The following AARSD1 variants were observed in gnomAD, a reference collection of about 807,000 sequenced individuals.
AARSD1 encodes the protein alanyl-tRNA editing protein Aarsd1.
Under a neutral mutation model 48.7 loss-of-function variants are expected in AARSD1, and 44 were observed. That is an observed-to-expected ratio of 0.90 (90% CI 0.71 to 1.16). The LOEUF is 1.16. Ranked by LOEUF, AARSD1 falls within the 50% of genes most tolerant of loss-of-function variation. The pLI is 0.00. For missense variants in AARSD1, 511 were observed against 523.1 expected (o/e 0.98, Z 0.23); for synonymous variants, 189 against 194.9 (o/e 0.97, Z 0.25).
intron 11 of AARSD1, 57 bp from the exon 12 acceptor site, chr17:42,950,785 A>T: frequency 1.3e-6 from 2 of 1,566,470 alleles, no homozygotes. Flanking sequence ...AAAAAAAAAC[A>T]AGGGCAGCTC....
chr17:42,955,685 C>T, intron 7 of AARSD1, 157 bp downstream of exon 7: 2 of 1,294,632 alleles, frequency 1.5e-6, no homozygotes, highest in Non-Finnish European at 2.1e-6. Flanking sequence ...TCGTGATCCG[C>T]CCACCTCGGC....
rs574315993 is a variant in AARSD1 at position 42,956,311 on chromosome 17, G to A, written c.556C>T (p.Arg186Trp). The A allele has an allele frequency of 2.9e-5, 47 of 1,614,000 alleles. No homozygotes were observed. The South Asian group carries it at 3.5e-4, about 12-fold the overall frequency. ...DDPEVEQVSG[R>W]GLPDDHAGPI... ...CCAGCATGATCATCAGGCAAACCCC[G>A]GCCACTCACCTGGACTCAAGGAGAG... The change falls in exon 6 of 12, where the codon CGG becomes TGG. Residue 186 changes from arginine to tryptophan, a missense_variant. Transcript: ENST00000427569.
intron 10 of AARSD1, among the ~76,000 whole-genome samples, chr17:42,953,034 C>T (rs1279093315): frequency 3.3e-5 from 5 of 152,166 alleles, no homozygotes; most frequent in Non-Finnish European, 4.4e-5. Context: ...TGCTAGAGTG[C>T]TGTGGCACAA....
intron 2 of AARSD1, among the ~76,000 whole-genome samples, chr17:42,963,813 T>C (rs955014049): frequency 4.6e-5 from 7 of 152,244 alleles, no homozygotes; most frequent in Admixed American, 3.3e-4. Flanking sequence ...TCCCTTTACT[T>C]GGTTTTTGTT....
Position 42,958,229 on chromosome 17 carries a change from C to T in AARSD1, c.332-1034G>A, listed in dbSNP as rs534083616. ...TTTTAAAATTTATTTCAGTCAGGCG[C>T]GGTGGCTCACTCCTGTAATCCCAGC... On this transcript the variant is annotated intron_variant, in intron 3 of 11. Coordinates refer to ENST00000427569, the MANE Select transcript of AARSD1 (RefSeq NM_001261434.2). Among the ~76,000 whole-genome samples, 180 of 152,216 alleles carry T rather than the reference C, an allele frequency of 1.2e-3. 1 individual carries two copies. Among genetic ancestry groups the T allele is most frequent in the South Asian group, 4.2e-3 (20 of 4,818 alleles).
At chr17:42,958,438 G>A (rs1358792686) in intron 3 of AARSD1, among the ~76,000 whole-genome samples, 2 of 151,548 alleles carry the variant, frequency 1.3e-5, no homozygotes, top group Non-Finnish European at 1.5e-5. Flanking sequence ...GTTGCAGTGA[G>A]CCAAGATTGC....
At chr17:42,958,284 G>A (rs2049585280) in intron 3 of AARSD1, among the ~76,000 whole-genome samples, 3 of 152,090 alleles carry the variant, frequency 2.0e-5, no homozygotes, top group Admixed American at 2.0e-4. Context: ...AGTGGATCAT[G>A]AGGTCAAGAG....
At chr17:42,959,704 G>A (rs527518104) in intron 3 of AARSD1, among the ~76,000 whole-genome samples, 8 of 148,266 alleles carry the variant, frequency 5.4e-5, no homozygotes, top group East Asian at 4.1e-4. Flanking sequence ...TCGCTCTGTC[G>A]CCAGGCTGGA....
Position 42,955,224 on chromosome 17 carries a change from C to T in AARSD1, c.795G>A (p.Lys265=), listed in dbSNP as rs201653455. Residue 265 remains lysine (K), a splice_region_variant and synonymous_variant, in exon 8 of 12, where the codon AAG becomes AAA. Coordinates refer to ENST00000427569, the MANE Select transcript of AARSD1 (RefSeq NM_001261434.2). ...GTEKALTALL[K]CGAEDHVEAV... ...CTTCCACATGATCCTCTGCTCCACA[C>T]CTGAAAGAGAAAGGTCAGAGGAGAC... 69 of 1,613,886 alleles carry T rather than the reference C, an allele frequency of 4.3e-5. No individual in the cohort carries two copies. Among genetic ancestry groups the T allele is most frequent in the Non-Finnish European group, 2.7e-5 (32 of 1,180,002 alleles).
At position 42,950,622 on chromosome 17, in the gene AARSD1, A is replaced by C; in HGVS notation, c.1210T>G (p.Tyr404Asp). The C allele has an allele frequency of 1.9e-6, 3 of 1,614,024 alleles. No individual in the cohort carries two copies. Among genetic ancestry groups the C allele is most frequent in the South Asian group, 2.2e-5 (2 of 91,060 alleles). The change falls in exon 12 of 12, where the codon TAC becomes GAC. Residue 404 changes from tyrosine (Y) to aspartate (D), a missense_variant. Tyr to Asp is a radical substitution (Grantham distance 160). Transcript: ENST00000427569. Reference sequence around the variant, plus strand: ...TCCTTAGCACTCTGCGTGCTGATGTAGTCCTGGAGAAGCGCCTGCGCCTCC... The same window carrying C: ...TCCTTAGCACTCTGCGTGCTGATGTCGTCCTGGAGAAGCGCCTGCGCCTCC... Reference protein sequence around the residue: ...RMEAQALLQDYISTQSAKE With the variant: ...RMEAQALLQDDISTQSAKE
At chr17:42,958,317 G>A (rs1470542249) in intron 3 of AARSD1, among the ~76,000 whole-genome samples, 3 of 151,928 alleles carry the variant, frequency 2.0e-5, no homozygotes, top group Non-Finnish European at 2.9e-5. Context: ...CTGAAACAAC[G>A]TGGTGAAACC....
chr17:42,952,503 G>A (rs2049492856), intron 10 of AARSD1, among the ~76,000 whole-genome samples: 1 of 152,126 alleles, frequency 6.6e-6, no homozygotes, highest in South Asian at 2.1e-4. Flanking sequence ...GAAGGGTTCT[G>A]GAGTAAATAC....
intron 10 of AARSD1, among the ~76,000 whole-genome samples, chr17:42,952,819 CTTTTTTT>C: frequency 7.2e-6 from 1 of 138,494 alleles, no homozygotes; most frequent in South Asian, 2.3e-4. Context: ...CCTGTATTTA[CTTTTTTT>C]TTTTTTTTTT....
At position 42,956,548 on chromosome 17, in the gene AARSD1, TCTCCCTAA is replaced by T; in HGVS notation, c.394_401del (p.Leu132IlefsTer6). The T allele has an allele frequency of 6.2e-7, 1 of 1,609,818 alleles. No individual in the cohort carries two copies. The highest frequency in any genetic ancestry group is 1.7e-4 in the Middle Eastern group (1 of 6,040). On this transcript the variant is annotated frameshift_variant, in exon 5 of 12. Coordinates refer to ENST00000427569, the MANE Select transcript of AARSD1 (RefSeq NM_001261434.2). LOFTEE classifies it high-confidence loss of function. ...TGTCCAGCTCAATCGCACTCCGAAA[TCTCCCTAA>T]CTCCCTGTCAGAAGTACAGTGGCCA...
chr17:42,956,232 G>A lies in AARSD1; in HGVS notation c.635C>T (p.Thr212Ile). 1 of 1,614,004 alleles carries A rather than the reference G, an allele frequency of 6.2e-7. No individual in the cohort carries two copies. ...AAGGTCACTGAGATTGCTCACATGG[G>A]TCCCACAGCACATGTTGGAATCAAC... Reference protein sequence around the residue: ...EGVDSNMCCGTHVSNLSDLQV... With the variant: ...EGVDSNMCCGIHVSNLSDLQV... The change falls in exon 6 of 12, where the codon ACC becomes ATC. Residue 212 changes from threonine (T) to isoleucine (I), a missense_variant. Transcript: ENST00000427569.
At chr17:42,957,040 A>G in intron 4 of AARSD1, 98 bp downstream of exon 4, 1 of 1,436,708 alleles carries the variant, frequency 7.0e-7, no homozygotes, top group Non-Finnish European at 9.5e-7. Flanking sequence ...AGCTCACCAC[A>G]GCCTTAATCT....
At chr17:42,954,337 G>A (rs2049518149) in intron 9 of AARSD1, among the ~76,000 whole-genome samples, 1 of 151,908 alleles carries the variant, frequency 6.6e-6, no homozygotes, top group Non-Finnish European at 1.5e-5. Flanking sequence ...GACACACTAA[G>A]ACTCCATCTC....
In AARSD1 at chr17:42,956,249, G is replaced by A. The variant is rs200220879; in HGVS notation, c.618C>T (p.Ser206=). ...IRVVNIEGVD[S]NMCCGTHVSN... ...TCACATGGGTCCCACAGCACATGTTGGAATCAACGCCCTCGATGTTAACAA... is the reference window on the plus strand; with the variant it reads ...TCACATGGGTCCCACAGCACATGTTAGAATCAACGCCCTCGATGTTAACAA... The change falls in exon 6 of 12, where the codon TCC becomes TCT. Residue 206 remains serine, a synonymous_variant. Coordinates refer to ENST00000427569, the MANE Select transcript of AARSD1 (RefSeq NM_001261434.2). 1.3e-5 allele frequency: 21 copies of A among 1,614,062 alleles called. No homozygotes were observed. The East Asian group carries it at 4.7e-4, about 36-fold the overall frequency.
At chr17:42,959,857 T>C (rs1597717067) in intron 3 of AARSD1, among the ~76,000 whole-genome samples, 2 of 149,426 alleles carry the variant, frequency 1.3e-5, no homozygotes, top group African/African-American at 4.9e-5. Flanking sequence ...AGAGACAGGG[T>C]TTCATCATGT....
Sources: allele counts gnomAD v4.1 joint callset (sites outside exome capture counted in the v4.1 genomes callset), GRCh38; gene constraint gnomAD v4.1.1; transcripts MANE v1.5; gene names NCBI Gene and HGNC (gene_info 2026-07-23, HGNC 2026-07-21).